SLC35A3: variants seen among roughly 807,000 people sequenced by gnomAD.
The protein encoded by SLC35A3 is solute carrier family 35 member A3.
Under a neutral mutation model 39.0 loss-of-function variants are expected in SLC35A3, and 26 were observed. The ratio of observed to expected loss-of-function variants is 0.67; its 90% CI spans 0.49 to 0.92. SLC35A3 has a LOEUF of 0.92. SLC35A3 is among the 40% of genes least tolerant of loss of function. The pLI is 0.00. For synonymous variants in SLC35A3, 135 were observed against 133.1 expected, an observed-to-expected ratio of 1.01 and a Z score of -0.10; for missense variants, 299 against 371.6, an observed-to-expected ratio of 0.80 and a Z score of 1.61.
At chr1:99,985,093 A>G (rs1657673268) in intron 1 of SLC35A3, among the ~76,000 whole-genome samples, 1 of 151,708 alleles carries the variant, frequency 6.6e-6, no homozygotes, top group Non-Finnish European at 1.5e-5. Context: ...AGTCATCTAT[A>G]TTTGTTTTTG....
intron 1 of SLC35A3, among the ~76,000 whole-genome samples, chr1:99,986,192 TCTCA>T (rs896036223): frequency 6.7e-6 from 1 of 148,308 alleles, no homozygotes; most frequent in Admixed American, 6.8e-5. Context: ...TGAGACAGGG[TCTCA>T]CTCTGTTGCT....
intron 1 of SLC35A3, among the ~76,000 whole-genome samples, chr1:99,977,218 A>G (rs1235540226): frequency 6.6e-6 from 1 of 152,012 alleles, no homozygotes; most frequent in Admixed American, 6.6e-5. Flanking sequence ...ACTCTGTCAC[A>G]CAAGAAGGAG....
chr1:99,970,672 T>C (rs1287955301), intron 1 of SLC35A3: 5 of 1,478,876 alleles, frequency 3.4e-6, no homozygotes, highest in Non-Finnish European at 3.7e-6. Context: ...ACAAGGACTG[T>C]TTGAAGTGGG....
chr1:100,024,681 C>T lies in SLC35A3; in HGVS notation c.*2205C>T, dbSNP rs1224398416. 10 of 383,602 alleles carry T rather than the reference C, an allele frequency of 2.6e-5. No individual in the cohort carries two copies. Among genetic ancestry groups the T allele is most frequent in the South Asian group, 1.5e-4 (1 of 6,756 alleles). The allele number at this position is 383,602 out of a possible 1,614,324, so 23.8% of individuals were successfully genotyped here. A position where few individuals can be genotyped will look rare whatever the true frequency, so the allele number is the denominator to read the frequency against. On this transcript the variant is annotated 3_prime_UTR_variant, in exon 8 of 8. Transcript: ENST00000533028. ...GTCGCCAGGCTGGAGTGCTGTGGCG[C>T]GATCTCGGCTTACTGCAACCTCCCA...
chr1:99,979,121 G>A (rs1217221302), intron 1 of SLC35A3: 1 of 152,168 alleles, frequency 6.6e-6, no homozygotes, highest in Non-Finnish European at 1.5e-5. Flanking sequence ...ATTTCTTGTG[G>A]CTGCTGTAAC....
In SLC35A3 at chr1:100,027,951, T is replaced by C. The variant is rs1421244291; in HGVS notation, c.*5475T>C. 7.2e-6 allele frequency: 1 copy of C among 139,180 alleles called. No individual in the cohort carries two copies. The highest frequency in any genetic ancestry group is 1.6e-5 in the Non-Finnish European group (1 of 64,030). The allele number at this position is 139,180 out of a possible 1,614,324, so 8.6% of individuals were successfully genotyped here. ...TATAGATAATACTACCTTTTTTTTT[T>C]TTTTTTTTTTTTTTTTGAGATGGTG... On this transcript the variant is annotated 3_prime_UTR_variant, in exon 8 of 8. Transcript: ENST00000533028.
At chr1:100,012,520 T>C (rs555860104) in intron 5 of SLC35A3, among the ~76,000 whole-genome samples, 6 of 152,284 alleles carry the variant, frequency 3.9e-5, no homozygotes, top group Non-Finnish European at 5.9e-5. Context: ...TTCAAAATTA[T>C]AAGAACAAAT....
At position 100,022,525 on chromosome 1, in the gene SLC35A3, C is replaced by A; in HGVS notation, c.*49C>A. ...TTTCACGATGGGGCACTAGGAATCTCGACATTAATCTTGCACAGAGGACTT... is the reference window on the plus strand; with the variant it reads ...TTTCACGATGGGGCACTAGGAATCTAGACATTAATCTTGCACAGAGGACTT... On this transcript the variant is annotated 3_prime_UTR_variant, in exon 8 of 8. Coordinates refer to ENST00000533028, the MANE Select transcript of SLC35A3 (RefSeq NM_012243.3). The A allele has an allele frequency of 1.1e-6, 1 of 947,546 alleles. No homozygotes were observed. The highest frequency in any genetic ancestry group is 1.6e-5 in the African/African-American group (1 of 60,828). The allele number at this position is 947,546 out of a possible 1,614,324, so 58.7% of individuals were successfully genotyped here.
At chr1:99,979,779 C>T (rs908338849) in intron 1 of SLC35A3, among the ~76,000 whole-genome samples, 15 of 151,118 alleles carry the variant, frequency 9.9e-5, no homozygotes, top group Non-Finnish European at 2.1e-4. Flanking sequence ...TGCGGTGGCT[C>T]ACGCCTGTAA....
At chr1:99,987,733 G>C (rs374800818) in intron 1 of SLC35A3, among the ~76,000 whole-genome samples, 1 of 152,106 alleles carries the variant, frequency 6.6e-6, no homozygotes, top group South Asian at 2.1e-4. Flanking sequence ...TGGTAGCTTG[G>C]TTGTAGCAAC....
In SLC35A3 at chr1:100,024,550, C is replaced by CAA; in HGVS notation, c.*2087_*2088dup. ...TGGGTGACAGAGCGAGACTCCGTCT[C>CAA]AAAAAAAAAAAAAAGAAAACACACA... On this transcript the variant is annotated 3_prime_UTR_variant, in exon 8 of 8. Transcript: ENST00000533028. The CAA allele has an allele frequency of 1.6e-4, 14 of 88,598 alleles. No homozygotes were observed. Among genetic ancestry groups the CAA allele is most frequent in the Non-Finnish European group, 2.6e-4 (12 of 46,918 alleles). 5.5% of individuals were successfully genotyped at this position (88,598 alleles called of 1,614,324 possible).
At chr1:100,016,221 C>T (rs542891837) in intron 6 of SLC35A3, among the ~76,000 whole-genome samples, 100 of 151,190 alleles carry the variant, frequency 6.6e-4, no homozygotes, top group African/African-American at 2.1e-3. Context: ...TGTGCCACCA[C>T]GCCCAGCTAA....
intron 5 of SLC35A3, 87 bp from the exon 6 acceptor site, chr1:100,015,215 T>G: frequency 8.6e-7 from 1 of 1,168,970 alleles, no homozygotes; most frequent in Non-Finnish European, 1.1e-6. Context: ...AAAAGTTAAG[T>G]GTAAAATTAT....
chr1:99,985,967 T>C (rs1657719065), intron 1 of SLC35A3, among the ~76,000 whole-genome samples: 1 of 152,136 alleles, frequency 6.6e-6, no homozygotes, highest in Non-Finnish European at 1.5e-5. Flanking sequence ...TAGGAGCTTT[T>C]TGGATGAGTC....
rs542604741 is a variant in SLC35A3, at chr1:100,030,774, A to T, written c.*8298A>T. 6.6e-6 allele frequency: 1 copy of T among 152,288 alleles called. No individual in the cohort carries two copies. Among genetic ancestry groups the T allele is most frequent in the African/African-American group, 2.4e-5 (1 of 41,564 alleles). The allele number at this position is 152,288 out of a possible 1,614,324, so 9.4% of individuals were successfully genotyped here. On this transcript the variant is annotated 3_prime_UTR_variant, in exon 8 of 8. Coordinates refer to ENST00000533028, the MANE Select transcript of SLC35A3 (RefSeq NM_012243.3). ...TCCCTTTAGGCTAAAGTTTTATTTT[A>T]TTCTGCTTGGATAGTAAATACAGCA...
chr1:99,986,315 C>T (rs1201193726), intron 1 of SLC35A3, among the ~76,000 whole-genome samples: 1 of 151,876 alleles, frequency 6.6e-6, no homozygotes, highest in Non-Finnish European at 1.5e-5. Context: ...CAAGCATGCA[C>T]CACCATGCCC....
Position 100,030,172 on chromosome 1 carries a change from C to G in SLC35A3, c.*7696C>G, listed in dbSNP as rs1272184929. On this transcript the variant is annotated 3_prime_UTR_variant, in exon 8 of 8. Transcript: ENST00000533028. ...GTTTTTCGTTTAATGCATTTATTTT[C>G]ATTCATTCATTTAGGATTTCTAAAA... is the stretch of plus-strand genomic sequence containing the variant. 3.3e-5 allele frequency: 5 copies of G among 152,114 alleles called. No individual in the cohort carries two copies. The highest frequency in any genetic ancestry group is 7.4e-5 in the Non-Finnish European group (5 of 68,010). 9.4% of individuals were successfully genotyped at this position (152,114 alleles called of 1,614,324 possible).
Position 100,024,899 on chromosome 1 carries a change from T to C in SLC35A3, c.*2423T>C. ...CAGAATTGGCTCAAAAATACTATGT[T>C]ACAGACTGTTGGGTACCCTTGCCTA... On this transcript the variant is annotated 3_prime_UTR_variant, in exon 8 of 8. Transcript: ENST00000533028. 1 of 360,980 alleles carries C rather than the reference T, an allele frequency of 2.8e-6. No homozygotes were observed. Among genetic ancestry groups the C allele is most frequent in the Non-Finnish European group, 4.9e-6 (1 of 202,968 alleles). The allele number at this position is 360,980 out of a possible 1,614,324, so 22.4% of individuals were successfully genotyped here. A position where few individuals can be genotyped will look rare whatever the true frequency, so the allele number is the denominator to read the frequency against.
chr1:99,976,737 A>G (rs1039333971), intron 1 of SLC35A3, among the ~76,000 whole-genome samples: 3 of 152,232 alleles, frequency 2.0e-5, no homozygotes, highest in African/African-American at 7.2e-5. Flanking sequence ...GCTCTCAGTT[A>G]TAAGTAGGAG....
Sources: gnomAD v4.1 joint callset for allele counts (sites outside exome capture counted in the v4.1 genomes callset) on GRCh38, gnomAD v4.1.1 for gene constraint, MANE v1.5 for transcripts, NCBI Gene and HGNC (gene_info 2026-07-23, HGNC 2026-07-21) for gene names.